The following CABLES1 variants were observed in gnomAD, a reference collection of about 807,000 sequenced individuals.
CABLES1 encodes CDK5 and ABL1 enzyme substrate 1.
CABLES1 carries 36 observed loss-of-function variants against 57.8 expected under a neutral mutation model. That is an observed-to-expected ratio of 0.62 (90% CI 0.48 to 0.82). The LOEUF is 0.82. CABLES1 is among the 40% of genes least tolerant of loss of function. The pLI is 0.00. For missense variants in CABLES1, 767 were observed against 836.6 expected, an observed-to-expected ratio of 0.92 and a Z score of 1.03; for synonymous variants, 374 against 363.0, an observed-to-expected ratio of 1.03 and a Z score of -0.35.
rs1227422044 is a variant in CABLES1 at position 23,136,057 on chromosome 18, GGCGGCGCCT to G, written c.303_311del (p.Cys102_Ala104del). Reference sequence around the variant, plus strand: ...GGGCGGCGCGGCCAAGCCGGGCGCCGGCGGCGCCTGCGGCGCGAGGACTCGGTTCAGCTT... The same window carrying G: ...GGGCGGCGCGGCCAAGCCGGGCGCCGGCGGCGCGAGGACTCGGTTCAGCTT... On this transcript the variant is annotated inframe_deletion, in exon 1 of 10. Transcript: ENST00000256925. 30 of 703,548 alleles carry G rather than the reference GGCGGCGCCT, an allele frequency of 4.3e-5. No individual in the cohort carries two copies. Among genetic ancestry groups the G allele is most frequent in the Non-Finnish European group, 4.6e-5 (27 of 585,354 alleles). 43.6% of individuals were successfully genotyped at this position (703,548 alleles called of 1,614,324 possible). A position where few individuals can be genotyped will look rare whatever the true frequency, so the allele number is the denominator to read the frequency against.
At chr18:23,203,768 C>T (rs1438986635) in intron 3 of CABLES1, among the ~76,000 whole-genome samples, 1 of 152,144 alleles carries the variant, frequency 6.6e-6, no homozygotes, top group Non-Finnish European at 1.5e-5. Flanking sequence ...AATGTCATTG[C>T]TTTTTCTCCC....
intron 7 of CABLES1, among the ~76,000 whole-genome samples, chr18:23,237,794 C>T (rs558926070): frequency 6.6e-6 from 1 of 152,362 alleles, no homozygotes; most frequent in East Asian, 1.9e-4. Flanking sequence ...TTTCTGCTCT[C>T]GGCTGACCAC....
chr18:23,214,118 A>T (rs538334065), intron 4 of CABLES1, 64 bp downstream of exon 4: 74 of 1,145,208 alleles, frequency 6.5e-5, no homozygotes, highest in African/African-American at 6.0e-4. Context: ...AATGTACATA[A>T]TGTGGCCATC....
At chr18:23,254,162 C>T (rs1415658018) in intron 9 of CABLES1, among the ~76,000 whole-genome samples, 1 of 152,168 alleles carries the variant, frequency 6.6e-6, no homozygotes, top group Non-Finnish European at 1.5e-5. Flanking sequence ...TGGGTCTGGC[C>T]CTCAAAGTCC....
intron 7 of CABLES1, among the ~76,000 whole-genome samples, chr18:23,243,567 T>A (rs2047795479): frequency 6.7e-6 from 1 of 149,880 alleles, no homozygotes; most frequent in South Asian, 2.1e-4. Context: ...TCTTTTACAA[T>A]TCATTTTTTT....
chr18:23,238,065 T>C (rs555126573), intron 7 of CABLES1, among the ~76,000 whole-genome samples: 36 of 152,376 alleles, frequency 2.4e-4, no homozygotes, highest in African/African-American at 8.4e-4. Flanking sequence ...GAGCCGGGCC[T>C]GGCGGGGCCG....
intron 2 of CABLES1, among the ~76,000 whole-genome samples, chr18:23,191,983 G>A (rs1046141084): frequency 6.9e-6 from 1 of 145,596 alleles, no homozygotes; most frequent in African/African-American, 2.5e-5. Flanking sequence ...GGCTAGATTA[G>A]TAAGGTGTAT....
intron 1 of CABLES1, among the ~76,000 whole-genome samples, chr18:23,140,685 A>C (rs1161539884): frequency 6.6e-6 from 1 of 152,064 alleles, no homozygotes; most frequent in African/African-American, 2.4e-5. Flanking sequence ...TGATCCACCT[A>C]CCTCGGCCTC....
intron 1 of CABLES1, among the ~76,000 whole-genome samples, chr18:23,165,069 G>A (rs1465317254): frequency 2.6e-5 from 4 of 151,862 alleles, no homozygotes; most frequent in African/African-American, 9.7e-5. Flanking sequence ...CACCATGTCC[G>A]GCCTTAACTA....
At chr18:23,253,484 A>G (rs1406918650) in intron 8 of CABLES1, among the ~76,000 whole-genome samples, 1 of 152,230 alleles carries the variant, frequency 6.6e-6, no homozygotes, top group Admixed American at 6.5e-5. Flanking sequence ...CTCCATCTCA[A>G]AAGAAAAACA....
intron 1 of CABLES1, among the ~76,000 whole-genome samples, chr18:23,145,269 C>T (rs1457587278): frequency 2.0e-5 from 3 of 151,862 alleles, no homozygotes; most frequent in Non-Finnish European, 4.4e-5. Flanking sequence ...GATGAGGTTT[C>T]ATCATGTTAG....
intron 4 of CABLES1, among the ~76,000 whole-genome samples, chr18:23,220,447 AGTAGGTGGGG>A (rs1241352251): frequency 6.6e-6 from 1 of 152,076 alleles, no homozygotes; most frequent in African/African-American, 2.4e-5. Flanking sequence ...CCCAAGTGGC[AGTAGGTGGGG>A]GTAGGTGGGG....
At position 23,168,084 on chromosome 18, in the gene CABLES1, AC is replaced by A. The variant is rs371867740; in HGVS notation, c.846-20750del. ...TCAGGGCGATCTGAGGGCAACTCCA[AC>A]CCCAGGGCAGCTGATGGGGTGGACA... is the stretch of plus-strand genomic sequence containing the variant. On this transcript the variant is annotated intron_variant, in intron 1 of 9. Transcript: ENST00000256925. Among the ~76,000 whole-genome samples the A allele has an allele frequency of 5.5e-4, 84 of 152,248 alleles. 2 individuals carry two copies. Among genetic ancestry groups the A allele is most frequent in the African/African-American group, 2.0e-3 (83 of 41,556 alleles).
At chr18:23,147,949 C>G (rs139278265) in intron 1 of CABLES1, among the ~76,000 whole-genome samples, 1 of 148,284 alleles carries the variant, frequency 6.7e-6, no homozygotes, top group African/African-American at 2.5e-5. Context: ...AGCCCTCATT[C>G]CATGGTCTGC....
rs2048195145 is a variant in CABLES1 at position 23,257,397 on chromosome 18, T to G, written c.*30T>G. ...GGCCCCGAGGACAGCCAAGGGCCAT[T>G]TCTTCTCAGCTTGGTGGAGCAGCAC... On this transcript the variant is annotated 3_prime_UTR_variant, in exon 10 of 10. Transcript: ENST00000256925. 2 of 1,559,846 alleles carry G rather than the reference T, an allele frequency of 1.3e-6. No individual in the cohort carries two copies. The highest frequency in any genetic ancestry group is 2.4e-5 in the South Asian group (2 of 83,248).
chr18:23,254,450 A>G (rs1033527359), intron 9 of CABLES1, among the ~76,000 whole-genome samples: 6 of 152,228 alleles, frequency 3.9e-5, no homozygotes, highest in African/African-American at 7.2e-5. Flanking sequence ...TTAGAATTCA[A>G]TATATTAATA....
At chr18:23,157,344 G>T (rs1314562622) in intron 1 of CABLES1, among the ~76,000 whole-genome samples, 2 of 152,184 alleles carry the variant, frequency 1.3e-5, no homozygotes, top group Admixed American at 1.3e-4. Context: ...AAAGGCGGGG[G>T]GGCGGTGGCT....
At chr18:23,250,113 G>A (rs931865217) in intron 7 of CABLES1, among the ~76,000 whole-genome samples, 3 of 152,192 alleles carry the variant, frequency 2.0e-5, no homozygotes, top group Non-Finnish European at 4.4e-5. Context: ...TGGTTGCTGC[G>A]AGGAGAGATC....
At chr18:23,211,606 G>A (rs1051688875) in intron 3 of CABLES1, among the ~76,000 whole-genome samples, 6 of 152,202 alleles carry the variant, frequency 3.9e-5, no homozygotes, top group East Asian at 1.9e-4. Flanking sequence ...CAAAAAGTCC[G>A]TGGGTACCCA....
Sources: gnomAD v4.1 joint callset for allele counts (sites outside exome capture counted in the v4.1 genomes callset) on GRCh38, gnomAD v4.1.1 for gene constraint, MANE v1.5 for transcripts, NCBI Gene and HGNC (gene_info 2026-07-23, HGNC 2026-07-21) for gene names.